The following XPC variants were observed in gnomAD, a reference collection of about 807,000 sequenced individuals.
The protein encoded by XPC is DNA repair protein complementing XP-C cells.
XPC carries 76 observed loss-of-function variants against 95.8 expected under a neutral mutation model. That is an observed-to-expected ratio of 0.79 (90% CI 0.66 to 0.96). The LOEUF (loss-of-function observed/expected upper bound fraction) is 0.96. XPC is among the 40% of genes least tolerant of loss of function. XPC has a pLI of 0.00. For missense variants in XPC, 1,146 were observed against 1,179.8 expected (o/e 0.97, Z 0.42); for synonymous variants, 442 against 442.1 (o/e 1.00, Z 0.00).
At chr3:14,165,343 T>G in intron 6 of XPC, 85 bp downstream of exon 6, 4 of 1,461,776 alleles carry the variant, frequency 2.7e-6, no homozygotes, top group Non-Finnish European at 3.7e-6. Context: ...TCAGGGAAGG[T>G]CTGTGGAAGT....
At chr3:14,156,960 T>C (rs1039210445) in intron 9 of XPC, among the ~76,000 whole-genome samples, 1 of 152,212 alleles carries the variant, frequency 6.6e-6, no homozygotes, top group Non-Finnish European at 1.5e-5. Context: ...TCTCTGCCCT[T>C]CTCTGAGATT....
In XPC at chr3:14,148,016, C is replaced by A. The variant is rs376501116; in HGVS notation, c.2421-15G>T. 1.2e-5 allele frequency: 18 copies of A among 1,560,086 alleles called. No homozygotes were observed. The South Asian group carries it at 2.1e-4, about 18-fold the overall frequency. Reference sequence around the variant, plus strand: ...ATCCATCAGTCCTGTGGGGACACAACGCGATGTCAACCCTCGAACCTGCTG... The same window carrying A: ...ATCCATCAGTCCTGTGGGGACACAAAGCGATGTCAACCCTCGAACCTGCTG... On this transcript the variant is annotated splice_polypyrimidine_tract_variant and intron_variant, in intron 13 of 15. Coordinates refer to ENST00000285021, the MANE Select transcript of XPC (RefSeq NM_004628.5).
chr3:14,168,219 C>A (rs934935119), intron 4 of XPC, 38 bp downstream of exon 4: 4 of 1,579,532 alleles, frequency 2.5e-6, no homozygotes, highest in Non-Finnish European at 3.4e-6. Flanking sequence ...TTGCCTACTG[C>A]ATGTGACAGG....
intron 1 of XPC, among the ~76,000 whole-genome samples, chr3:14,173,623 A>G (rs1019102113): frequency 1.2e-4 from 18 of 152,258 alleles, no homozygotes; most frequent in Admixed American, 3.9e-4. Flanking sequence ...ACAGTTGGAA[A>G]AAGACAGCAA....
At chr3:14,155,071 G>A (rs1214736623) in intron 10 of XPC, among the ~76,000 whole-genome samples, 2 of 152,082 alleles carry the variant, frequency 1.3e-5, no homozygotes, top group Non-Finnish European at 2.9e-5. Flanking sequence ...TGACTGCTGG[G>A]TGCTAAAGTC....
At chr3:14,159,654 T>C in intron 8 of XPC, 87 bp downstream of exon 8, 1 of 1,346,870 alleles carries the variant, frequency 7.4e-7, no homozygotes, top group Non-Finnish European at 1.0e-6. Context: ...ATACCAGCTC[T>C]TAAAAAATAT....
chr3:14,167,110 G>A, intron 5 of XPC, 59 bp downstream of exon 5: 1 of 1,436,284 alleles, frequency 7.0e-7, no homozygotes, highest in Non-Finnish European at 9.3e-7. Context: ...AAGCCTCGGT[G>A]AGCACAAGCT....
intron 1 of XPC, among the ~76,000 whole-genome samples, chr3:14,175,526 T>C (rs114733184): frequency 6.6e-6 from 1 of 152,218 alleles, no homozygotes; most frequent in South Asian, 2.1e-4. Flanking sequence ...ATCTGTCTTG[T>C]TCAATATTAT....
chr3:14,154,642 G>A (rs1299798944), intron 10 of XPC, among the ~76,000 whole-genome samples: 2 of 152,162 alleles, frequency 1.3e-5, no homozygotes, highest in Admixed American at 1.3e-4. Context: ...GGCTGGAGAA[G>A]GGGAATTCGG....
chr3:14,158,321 T>A lies in XPC; in HGVS notation c.1562A>T (p.Glu521Val). Residue 521 changes from glutamate (E) to valine (V), a missense_variant, in exon 9 of 16, where the codon GAA (glutamate) becomes GTA (valine). Coordinates refer to ENST00000285021, the MANE Select transcript of XPC (RefSeq NM_004628.5). This position sits in a 1 kb window ranked among gnomAD's most constrained non-coding sequence, Gnocchi z 5.2. Reference sequence around the variant, plus strand: ...GTCTATACCAGCTATGCTTCTTTTTTCTGCCTTCTCACCATCGCTGCACAT... The same window carrying A: ...GTCTATACCAGCTATGCTTCTTTTTACTGCCTTCTCACCATCGCTGCACAT... Reference protein sequence around the residue: ...KKMCSDGEKAEKRSIAGIDQW... With the variant: ...KKMCSDGEKAVKRSIAGIDQW... The A allele has an allele frequency of 6.2e-7, 1 of 1,614,016 alleles. No homozygotes were observed. Among genetic ancestry groups the A allele is most frequent in the South Asian group, 1.1e-5 (1 of 91,086 alleles).
chr3:14,173,704 G>A (rs1384599917), intron 1 of XPC, among the ~76,000 whole-genome samples: 2 of 152,030 alleles, frequency 1.3e-5, no homozygotes, highest in Non-Finnish European at 2.9e-5. Context: ...TAAGCTGCTG[G>A]TTTTAGTCAA....
chr3:14,165,128 A>C (rs1429947078), intron 6 of XPC, among the ~76,000 whole-genome samples, 195 bp from the exon 7 acceptor site: 2 of 152,088 alleles, frequency 1.3e-5, no homozygotes, highest in Non-Finnish European at 2.9e-5. Flanking sequence ...GAGCCTTCCC[A>C]GACCTCCCAG....
At position 14,145,398 on chromosome 3, in the gene XPC, C is replaced by G. The variant is rs998231563; in HGVS notation, c.*543G>C. On this transcript the variant is annotated 3_prime_UTR_variant, in exon 16 of 16. Transcript: ENST00000285021. ...AGCAGATGACCTGTACTTCTCTGCT[C>G]TCTCCCCTACTGCAAAGAGGCAGTG... The G allele has an allele frequency of 1.4e-6, 1 of 699,290 alleles. No homozygotes were observed. The highest frequency in any genetic ancestry group is 2.6e-6 in the Non-Finnish European group (1 of 384,190). The allele number at this position is 699,290 out of a possible 1,614,324, so 43.3% of individuals were successfully genotyped here.
chr3:14,150,904 T>C (rs954052042), intron 11 of XPC, among the ~76,000 whole-genome samples: 4 of 152,090 alleles, frequency 2.6e-5, no homozygotes, highest in African/African-American at 9.7e-5. Flanking sequence ...CACCAGAACA[T>C]CACTGTGCAC....
chr3:14,165,649 G>C, intron 5 of XPC, 64 bp from the exon 6 acceptor site: 1 of 1,583,576 alleles, frequency 6.3e-7, no homozygotes, highest in African/African-American at 1.3e-5. Flanking sequence ...AGGAATTTTT[G>C]CTGCCAAAGT....
intron 5 of XPC, among the ~76,000 whole-genome samples, chr3:14,166,355 G>A (rs1228522124): frequency 1.3e-5 from 2 of 152,040 alleles, no homozygotes; most frequent in Non-Finnish European, 2.9e-5. Context: ...TCGTGCCCCA[G>A]GCCTGGGTGA....
chr3:14,159,708 GCTC>G (rs745774896), intron 8 of XPC, 30 bp downstream of exon 8: 1 of 1,528,720 alleles, frequency 6.5e-7, no homozygotes. Context: ...CCTGTCAATT[GCTC>G]CTCTTCTCTG....
intron 1 of XPC, among the ~76,000 whole-genome samples, chr3:14,176,730 G>C (rs1307255984): frequency 6.6e-6 from 1 of 152,140 alleles, no homozygotes; most frequent in Non-Finnish European, 1.5e-5. Flanking sequence ...AGCCTTTGCC[G>C]GTTACCTAGT....
intron 11 of XPC, chr3:14,149,944 A>C (rs939928786): frequency 3.9e-5 from 6 of 152,266 alleles, no homozygotes; most frequent in Admixed American, 2.0e-4. Context: ...TGCTGTCATC[A>C]CTGATAGCAG....
Sources: gnomAD v4.1 joint callset for allele counts (sites outside exome capture counted in the v4.1 genomes callset) on GRCh38, gnomAD v4.1.1 for gene constraint, Gnocchi (gnomAD v3.1) non-coding constraint, MANE v1.5 for transcripts, NCBI Gene and HGNC (gene_info 2026-07-23, HGNC 2026-07-21) for gene names.